The following MAPKBP1 variants were observed in gnomAD, a reference collection of about 807,000 sequenced individuals.
MAPKBP1 encodes mitogen-activated protein kinase binding protein 1.
A neutral mutation model predicts 170.5 loss-of-function variants in MAPKBP1; 71 were observed. The ratio of observed to expected loss-of-function variants is 0.42; its 90% CI spans 0.34 to 0.51. MAPKBP1 has a LOEUF of 0.51. Among genes scored for constraint, MAPKBP1 ranks in the 20% least tolerant of loss-of-function variants. MAPKBP1 has a pLI of 0.06. For synonymous variants in MAPKBP1, 719 were observed against 757.9 expected (o/e 0.95, Z 0.84); for missense variants, 1,598 against 1,933.0 (o/e 0.83, Z 3.25).
intron 3 of MAPKBP1, among the ~76,000 whole-genome samples, chr15:41,802,430 C>A (rs2064612210): frequency 6.6e-6 from 1 of 152,082 alleles, no homozygotes. Context: ...TGTAGTAACA[C>A]TTAGCTTAAA....
chr15:41,812,277 G>A (rs1415383163), intron 6 of MAPKBP1, 150 bp downstream of exon 6: 2 of 1,264,452 alleles, frequency 1.6e-6, no homozygotes, highest in Non-Finnish European at 2.2e-6. Context: ...GAGCAACTGT[G>A]TGGCCAAGCA....
intron 7 of MAPKBP1, 109 bp from the exon 8 acceptor site, chr15:41,812,809 GC>G: frequency 6.9e-7 from 1 of 1,451,296 alleles, no homozygotes; most frequent in South Asian, 1.4e-5. Context: ...TGAGGAGTAG[GC>G]CCAAAGAGCA....
intron 21 of MAPKBP1, 39 bp from the exon 22 acceptor site, chr15:41,819,556 G>GGGGGGGGGGGA: frequency 7.4e-7 from 1 of 1,347,676 alleles, no homozygotes; most frequent in Non-Finnish European, 1.0e-6. Flanking sequence ...GCGGGGGGGG[G>GGGGGGGGGGGA]GCAGGAGACA....
At chr15:41,823,291 G>T (rs1832446727) in intron 28 of MAPKBP1, 69 bp downstream of exon 28, 3 of 1,567,626 alleles carry the variant, frequency 1.9e-6, no homozygotes, top group African/African-American at 2.7e-5. Context: ...CTGGAGGAGG[G>T]AGGGCCTGGT....
At chr15:41,812,824 A>T (rs1261382358) in intron 7 of MAPKBP1, 95 bp from the exon 8 acceptor site, 18 of 1,466,684 alleles carry the variant, frequency 1.2e-5, no homozygotes, top group Non-Finnish European at 1.6e-5. Context: ...AAGAGCAAGG[A>T]GGTGCTGGAG....
At chr15:41,785,713 A>T (rs967719464) in intron 2 of MAPKBP1, among the ~76,000 whole-genome samples, 14 of 151,868 alleles carry the variant, frequency 9.2e-5, no homozygotes, top group East Asian at 7.7e-4. Context: ...CTATTAAAAA[A>T]TTTTTTTTTG....
chr15:41,819,530 G>C, intron 21 of MAPKBP1, 65 bp from the exon 22 acceptor site: 1 of 1,496,166 alleles, frequency 6.7e-7, no homozygotes, highest in Non-Finnish European at 9.1e-7. Flanking sequence ...TGGGGCCAGG[G>C]CTCCAGGGTT....
At chr15:41,798,038 C>T (rs1178532268) in intron 2 of MAPKBP1, among the ~76,000 whole-genome samples, 2 of 151,746 alleles carry the variant, frequency 1.3e-5, no homozygotes, top group Non-Finnish European at 1.5e-5. Flanking sequence ...ATCACGAGGT[C>T]AGGAGATCGA....
intron 2 of MAPKBP1, among the ~76,000 whole-genome samples, chr15:41,787,459 CCAAGTT>C (rs947423527): frequency 1.5e-4 from 23 of 152,114 alleles, no homozygotes; most frequent in African/African-American, 4.8e-4. Context: ...CCTCTGCCTC[CCAAGTT>C]CAAGCAATTC....
intron 3 of MAPKBP1, among the ~76,000 whole-genome samples, chr15:41,805,057 G>C (rs2064667184): frequency 6.6e-6 from 1 of 152,172 alleles, no homozygotes; most frequent in African/African-American, 2.4e-5. Context: ...TTGGGAGCCA[G>C]CTCAGGTATC....
At chr15:41,780,703 A>G (rs1052379760) in intron 2 of MAPKBP1, among the ~76,000 whole-genome samples, 4 of 151,692 alleles carry the variant, frequency 2.6e-5, no homozygotes, top group African/African-American at 9.7e-5. Context: ...AGACCTGCCT[A>G]CCTTCTTGGG....
At chr15:41,825,007 T>C (rs2065065995) in intron 30 of MAPKBP1, 2 of 550,002 alleles carry the variant, frequency 3.6e-6, no homozygotes, top group Admixed American at 6.8e-5. Context: ...ATGTAGACGG[T>C]TCTGCAATCC....
intron 2 of MAPKBP1, among the ~76,000 whole-genome samples, chr15:41,785,233 C>T (rs1319175712): frequency 1.3e-5 from 2 of 152,198 alleles, no homozygotes; most frequent in Non-Finnish European, 2.9e-5. Flanking sequence ...TCTTCTGTTC[C>T]AACATTTTTA....
At chr15:41,807,430 A>G (rs1387246765) in intron 3 of MAPKBP1, among the ~76,000 whole-genome samples, 3 of 152,236 alleles carry the variant, frequency 2.0e-5, no homozygotes, top group Non-Finnish European at 4.4e-5. Flanking sequence ...TTGCAAATAG[A>G]TCCCAGTTTT....
Position 41,818,009 on chromosome 15 carries a change from G to A in MAPKBP1, c.1905G>A (p.Arg635=). ...GAGAAAGAGACTATGTTTCTTACAG[G>A]ATATTTAACATCAGCAGTGGAAAGC... ...TAIGCQDRNI[R]IFNISSGKQK... is the part of the protein sequence containing the mutation. Residue 635 remains arginine (R), a splice_region_variant and synonymous_variant, in exon 17 of 31, where the codon CGG becomes CGA. Coordinates refer to ENST00000457542, the MANE Select transcript of MAPKBP1 (RefSeq NM_014994.3). The surrounding 1 kb of genome is among the most constrained non-coding windows in gnomAD (Gnocchi z 5.2). 6.2e-7 allele frequency: 1 copy of A among 1,614,028 alleles called. No homozygotes were observed. The highest frequency in any genetic ancestry group is 8.5e-7 in the Non-Finnish European group (1 of 1,179,924).
intron 2 of MAPKBP1, among the ~76,000 whole-genome samples, chr15:41,792,697 C>A (rs773639248): frequency 2.6e-5 from 4 of 152,202 alleles, no homozygotes; most frequent in Non-Finnish European, 4.4e-5. Context: ...ACTGGTGTGT[C>A]TCCTGGGCTG....
At chr15:41,777,148 C>T (rs1280595983) in intron 2 of MAPKBP1, among the ~76,000 whole-genome samples, 2 of 152,014 alleles carry the variant, frequency 1.3e-5, no homozygotes, top group African/African-American at 4.8e-5. Flanking sequence ...CGAAACCAGC[C>T]TGGTCAAGAT....
intron 3 of MAPKBP1, among the ~76,000 whole-genome samples, chr15:41,804,021 G>A (rs1370015425): frequency 6.6e-6 from 1 of 152,114 alleles, no homozygotes; most frequent in Admixed American, 6.5e-5. Context: ...TGTATTTTTA[G>A]TAGAGATGGG....
chr15:41,822,093 C>T lies in MAPKBP1; in HGVS notation c.3014C>T (p.Pro1005Leu), dbSNP rs765931030. 42 of 1,512,002 alleles carry T rather than the reference C, an allele frequency of 2.8e-5. No individual in the cohort carries two copies. The highest frequency in any genetic ancestry group is 1.8e-4 in the Middle Eastern group (1 of 5,556). The allele number at this position is 1,512,002 out of a possible 1,614,324, so 93.7% of individuals were successfully genotyped here. A position where few individuals can be genotyped will look rare whatever the true frequency, so the allele number is the denominator to read the frequency against. ...TACAGCAGCAGCTGCCTTTCCAGCCCGGAGCACCCCACTGAAGGTGAGGCT... is the reference window on the plus strand; with the variant it reads ...TACAGCAGCAGCTGCCTTTCCAGCCTGGAGCACCCCACTGAAGGTGAGGCT... ...VDYSSSCLSS[P>L]EHPTEDSEST... is the part of the protein sequence containing the mutation. The change falls in exon 25 of 31, where the codon CCG becomes CTG. Residue 1005 changes from proline to leucine, a missense_variant. Pro to Leu is a moderately conservative substitution (Grantham distance 98). Transcript: ENST00000457542.
Sources: allele counts gnomAD v4.1 joint callset (sites outside exome capture counted in the v4.1 genomes callset), GRCh38; gene constraint gnomAD v4.1.1; non-coding constraint Gnocchi (gnomAD v3.1); transcripts MANE v1.5; gene names NCBI Gene and HGNC (gene_info 2026-07-23, HGNC 2026-07-21).